ZFPM2: variants seen among roughly 807,000 people sequenced by gnomAD.
ZFPM2 encodes zinc finger protein, FOG family member 2.
In ZFPM2, 20 loss-of-function variants were observed where a neutral mutation model predicts 98.6. The ratio of observed to expected loss-of-function variants is 0.20; its 90% CI spans 0.14 to 0.29. The LOEUF (loss-of-function observed/expected upper bound fraction) is 0.29, where lower values mean the gene tolerates loss of function less well. ZFPM2 is among the 10% of genes least tolerant of loss of function. ZFPM2 has a pLI of 1.00. For missense variants in ZFPM2, 1,310 were observed against 1,388.6 expected (o/e 0.94, Z 0.90); for synonymous variants, 518 against 502.7 (o/e 1.03, Z -0.41).
intron 1 of ZFPM2, among the ~76,000 whole-genome samples, chr8:105,405,284 T>G: frequency 6.6e-6 from 1 of 152,026 alleles, no homozygotes; most frequent in East Asian, 1.9e-4. Context: ...TTTTTTTAAT[T>G]TTATTATTAT....
intron 4 of ZFPM2, among the ~76,000 whole-genome samples, chr8:105,626,805 C>T (rs1353549392): frequency 6.6e-6 from 1 of 152,168 alleles, no homozygotes; most frequent in African/African-American, 2.4e-5. Flanking sequence ...AAGGAAGCCA[C>T]ACACCAAAAG....
intron 2 of ZFPM2, among the ~76,000 whole-genome samples, chr8:105,422,408 G>A (rs1172241339): frequency 2.0e-5 from 3 of 151,960 alleles, no homozygotes; most frequent in African/African-American, 4.8e-5. Context: ...GCCACTGCAT[G>A]CCCGCCTGGG....
chr8:105,690,587 C>A (rs1288563633), intron 5 of ZFPM2, among the ~76,000 whole-genome samples: 1 of 152,112 alleles, frequency 6.6e-6, no homozygotes, highest in African/African-American at 2.4e-5. Context: ...CCTTTGGTGG[C>A]AGCTCAGGTA....
intron 6 of ZFPM2, among the ~76,000 whole-genome samples, chr8:105,791,618 G>C (rs1813614412): frequency 6.6e-6 from 1 of 152,148 alleles, no homozygotes; most frequent in African/African-American, 2.4e-5. Context: ...ATGAGTTAGG[G>C]AGGATTCTTT....
intron 1 of ZFPM2, among the ~76,000 whole-genome samples, chr8:105,414,642 G>T (rs576610139): frequency 3.0e-4 from 45 of 149,198 alleles, no homozygotes; most frequent in African/African-American, 1.0e-3. Context: ...TCACCTTCTA[G>T]CTCTTACTCC....
rs542493843 is a variant in ZFPM2 at position 105,750,485 on chromosome 8, A to G, written c.533-38233A>G. On this transcript the variant is annotated intron_variant, in intron 5 of 7. Coordinates refer to ENST00000407775, the MANE Select transcript of ZFPM2 (RefSeq NM_012082.4). ...CTACGTTTTAAAATTAATATCATTC[A>G]AGGAAAATGAAATTAGATTAGTATA... Among the ~76,000 whole-genome samples the G allele has an allele frequency of 6.6e-5, 10 of 152,214 alleles. No homozygotes were observed. The East Asian group carries it at 1.9e-3, about 29-fold the overall frequency.
intron 4 of ZFPM2, among the ~76,000 whole-genome samples, chr8:105,596,611 C>T (rs1318170337): frequency 6.6e-6 from 1 of 151,896 alleles, no homozygotes; most frequent in African/African-American, 2.4e-5. Context: ...TTTTGTGTAT[C>T]AGTGGTGAGA....
rs1047320814 is a variant in ZFPM2, at chr8:105,646,064, A to G, written c.532+11707A>G. 4.1e-4 allele frequency among the ~76,000 whole-genome samples: 62 copies of G among 151,894 alleles called. 2 individuals are homozygous for G. The highest frequency in any genetic ancestry group is 8.8e-5 in the Non-Finnish European group (6 of 67,982). On this transcript the variant is annotated intron_variant, in intron 5 of 7. Coordinates refer to ENST00000407775, the MANE Select transcript of ZFPM2 (RefSeq NM_012082.4). ...AGACTCCATCTGGAAAAAAAAAAAA[A>G]AAAAGAAAGAAAGGAGAAACATGCA...
chr8:105,524,486 T>TTC lies in ZFPM2; in HGVS notation c.302-36862_302-36861dup, dbSNP rs375750481. Among the ~76,000 whole-genome samples the TTC allele has an allele frequency of 1.8e-3, 279 of 151,130 alleles. 1 individual carries two copies. The highest frequency in any genetic ancestry group is 5.9e-3 in the African/African-American group (241 of 41,172). ...TGTGTGTGTATGTGTGTGTGTGTGT[T>TTC]TCTCTCTCTCTCTCTCACACACACA... On this transcript the variant is annotated intron_variant, in intron 3 of 7. Transcript: ENST00000407775.
chr8:105,528,205 G>T (rs1416220808), intron 3 of ZFPM2, among the ~76,000 whole-genome samples: 1 of 152,140 alleles, frequency 6.6e-6, no homozygotes, highest in Non-Finnish European at 1.5e-5. Context: ...CTTGAAGGAT[G>T]AGTGGGTGTT....
chr8:105,356,224 C>T (rs1056095960), intron 1 of ZFPM2, among the ~76,000 whole-genome samples: 6 of 152,140 alleles, frequency 3.9e-5, no homozygotes, highest in African/African-American at 1.4e-4. Flanking sequence ...AGTGATTTCC[C>T]TTTGGCACTT....
At chr8:105,513,726 T>G (rs1249180662) in intron 3 of ZFPM2, among the ~76,000 whole-genome samples, 1 of 152,238 alleles carries the variant, frequency 6.6e-6, no homozygotes. Flanking sequence ...TATTTTTAAT[T>G]ATAAAGGAGG....
intron 3 of ZFPM2, among the ~76,000 whole-genome samples, chr8:105,485,265 C>A (rs1309187059): frequency 6.6e-6 from 1 of 152,050 alleles, no homozygotes; most frequent in Non-Finnish European, 1.5e-5. Flanking sequence ...CCAGGGGTTA[C>A]TGAGAGGTTA....
Position 105,514,003 on chromosome 8 carries a change from C to CTTT in ZFPM2, c.302-47348_302-47346dup, listed in dbSNP as rs111594419. Among the ~76,000 whole-genome samples, 255 of 140,786 alleles carry CTTT rather than the reference C, an allele frequency of 1.8e-3. 3 individuals carry two copies. The highest frequency in any genetic ancestry group is 5.1e-3 in the African/African-American group (193 of 38,196). The allele number at this position is 140,786 out of a possible 152,430, so 92.4% of individuals were successfully genotyped here. On this transcript the variant is annotated intron_variant, in intron 3 of 7. Coordinates refer to ENST00000407775, the MANE Select transcript of ZFPM2 (RefSeq NM_012082.4). ...TTTGAAATTAGTAGGTCCGGAGTGT[C>CTTT]TTTTTTTTTTTTTTCCCAAGATTAA... is the stretch of plus-strand genomic sequence containing the variant.
chr8:105,474,552 A>G (rs1364879662), intron 3 of ZFPM2, among the ~76,000 whole-genome samples: 2 of 152,328 alleles, frequency 1.3e-5, no homozygotes, highest in African/African-American at 2.4e-5. Flanking sequence ...GTAAGTTAAA[A>G]AAAAATAAGA....
intron 5 of ZFPM2, among the ~76,000 whole-genome samples, chr8:105,721,019 A>G (rs1811650229): frequency 6.6e-6 from 1 of 151,870 alleles, no homozygotes; most frequent in African/African-American, 2.4e-5. Flanking sequence ...AAAACCTAGA[A>G]AATCATTCCT....
intron 5 of ZFPM2, among the ~76,000 whole-genome samples, chr8:105,749,106 A>G (rs1812416480): frequency 6.6e-6 from 1 of 152,098 alleles, no homozygotes; most frequent in Non-Finnish European, 1.5e-5. Flanking sequence ...CCATGGTGAT[A>G]TTAATAATGA....
intron 1 of ZFPM2, among the ~76,000 whole-genome samples, chr8:105,398,327 G>C (rs1204752515): frequency 6.6e-6 from 1 of 152,122 alleles, no homozygotes; most frequent in Non-Finnish European, 1.5e-5. Flanking sequence ...AGATTGCATA[G>C]CACTCAGTGA....
chr8:105,475,370 C>T (rs917298740), intron 3 of ZFPM2, among the ~76,000 whole-genome samples: 2 of 152,128 alleles, frequency 1.3e-5, no homozygotes, highest in African/African-American at 2.4e-5. Flanking sequence ...GGAAACACTT[C>T]GGTGCTCCCT....
Sources: gnomAD v4.1 joint callset for allele counts (sites outside exome capture counted in the v4.1 genomes callset) on GRCh38, gnomAD v4.1.1 for gene constraint, MANE v1.5 for transcripts, NCBI Gene and HGNC (gene_info 2026-07-23, HGNC 2026-07-21) for gene names.